The following DOCK2 variants were observed in gnomAD, a reference collection of about 807,000 sequenced individuals.
The protein encoded by DOCK2 is dedicator of cytokinesis 2, also known as dedicator of cytokinesis protein 2.
A neutral mutation model predicts 248.9 loss-of-function variants in DOCK2; 87 were observed. That is an observed-to-expected ratio of 0.35 (90% CI 0.29 to 0.42). DOCK2 has a LOEUF of 0.42. DOCK2 is among the 10% of genes least tolerant of loss of function. The pLI is 1.00. For missense variants in DOCK2, 1,747 were observed against 2,300.2 expected (o/e 0.76, Z 4.92); for synonymous variants, 805 against 821.6 (o/e 0.98, Z 0.35).
intron 50 of DOCK2, 152 bp downstream of exon 50, chr5:170,080,435 A>C: frequency 1.7e-6 from 2 of 1,193,928 alleles, no homozygotes; most frequent in African/African-American, 1.5e-5. Flanking sequence ...CCACCCTCTA[A>C]TCTCTCCCCA....
intron 27 of DOCK2, among the ~76,000 whole-genome samples, chr5:169,966,866 T>C (rs1266588058): frequency 6.6e-6 from 1 of 152,246 alleles, no homozygotes; most frequent in Non-Finnish European, 1.5e-5. Context: ...TTTGGTCTAA[T>C]GTTTTTGAGG....
At chr5:169,698,339 A>C (rs1272054483) in intron 10 of DOCK2, 35 bp from the exon 11 acceptor site, 14 of 1,606,102 alleles carry the variant, frequency 8.7e-6, no homozygotes, top group Non-Finnish European at 1.1e-5. Flanking sequence ...AACAGGAAGA[A>C]GTTAAACCAT....
At chr5:169,946,747 C>T (rs1454166785) in intron 27 of DOCK2, among the ~76,000 whole-genome samples, 2 of 152,184 alleles carry the variant, frequency 1.3e-5, no homozygotes, top group Non-Finnish European at 2.9e-5. Context: ...CAGCGATAGG[C>T]AATCTGAAAG....
chr5:170,051,003 A>G (rs1316076081), intron 41 of DOCK2, among the ~76,000 whole-genome samples: 4 of 152,232 alleles, frequency 2.6e-5, no homozygotes, highest in African/African-American at 4.8e-5. Flanking sequence ...GCACTATTCC[A>G]TATTTATTTA....
intron 25 of DOCK2, among the ~76,000 whole-genome samples, chr5:169,777,437 AG>A (rs775996220): frequency 6.6e-6 from 1 of 152,210 alleles, no homozygotes; most frequent in Non-Finnish European, 1.5e-5. Flanking sequence ...GCCACCATCC[AG>A]GCTGGAGAGA....
chr5:170,080,368 G>T (rs1008027666), intron 50 of DOCK2, 85 bp downstream of exon 50: 8 of 1,575,812 alleles, frequency 5.1e-6, no homozygotes, highest in African/African-American at 2.7e-5. Flanking sequence ...TGGGAACTGT[G>T]TCTACACAAC....
chr5:169,726,336 C>T (rs1350007250), intron 22 of DOCK2, among the ~76,000 whole-genome samples: 10 of 152,202 alleles, frequency 6.6e-5, no homozygotes, highest in African/African-American at 2.2e-4. Context: ...ATACTTTGCC[C>T]ACTTTTTGAT....
chr5:169,961,111 C>A (rs1777069931), intron 27 of DOCK2, among the ~76,000 whole-genome samples: 1 of 152,198 alleles, frequency 6.6e-6, no homozygotes, highest in African/African-American at 2.4e-5. Flanking sequence ...CAACCTGTTG[C>A]CCATTTGCAA....
At chr5:169,826,020 A>G (rs2113265122) in intron 26 of DOCK2, among the ~76,000 whole-genome samples, 1 of 152,002 alleles carries the variant, frequency 6.6e-6, no homozygotes, top group East Asian at 1.9e-4. Context: ...TTTTCATCAA[A>G]TTCTGAAGTG....
chr5:169,790,684 C>A (rs1168479776), intron 25 of DOCK2, among the ~76,000 whole-genome samples: 1 of 152,236 alleles, frequency 6.6e-6, no homozygotes, highest in African/African-American at 2.4e-5. Context: ...TGAAAAACTT[C>A]TGCATAGCAT....
intron 8 of DOCK2, among the ~76,000 whole-genome samples, chr5:169,685,440 T>C (rs1156735282): frequency 6.6e-6 from 1 of 152,174 alleles, no homozygotes; most frequent in Non-Finnish European, 1.5e-5. Context: ...GCCTGTCTCC[T>C]CCATTGGGGT....
intron 25 of DOCK2, among the ~76,000 whole-genome samples, chr5:169,794,935 A>C (rs1167927031): frequency 6.6e-6 from 1 of 152,212 alleles, no homozygotes; most frequent in East Asian, 1.9e-4. Context: ...ACAAACACAC[A>C]AAAAAGTTCT....
intron 27 of DOCK2, among the ~76,000 whole-genome samples, chr5:169,973,196 C>A (rs1391623628): frequency 4.6e-5 from 7 of 152,160 alleles, no homozygotes; most frequent in African/African-American, 1.7e-4. Context: ...CTGCCTGCCC[C>A]CTCCACTCCC....
chr5:169,914,878 A>C (rs1250600005), intron 27 of DOCK2, among the ~76,000 whole-genome samples: 1 of 152,258 alleles, frequency 6.6e-6, no homozygotes, highest in Non-Finnish European at 1.5e-5. Flanking sequence ...GTCCCTTCAC[A>C]GACTGACATA....
intron 27 of DOCK2, among the ~76,000 whole-genome samples, chr5:169,865,331 G>A (rs115580745): frequency 2.1e-3 from 317 of 152,300 alleles, no homozygotes; most frequent in South Asian, 3.3e-3. Flanking sequence ...GGAGGTGGGC[G>A]TTGAACAGAA....
intron 27 of DOCK2, among the ~76,000 whole-genome samples, chr5:169,932,084 A>T (rs1775781420): frequency 6.6e-6 from 1 of 152,226 alleles, no homozygotes; most frequent in African/African-American, 2.4e-5. Context: ...AACAAAGAAG[A>T]TACAACATCC....
chr5:169,709,605 C>T (rs1405899922), intron 15 of DOCK2, among the ~76,000 whole-genome samples: 1 of 152,108 alleles, frequency 6.6e-6, no homozygotes, highest in Non-Finnish European at 1.5e-5. Flanking sequence ...CCTATAGTTC[C>T]AGCTACTCAG....
chr5:170,010,858 C>T (rs564577970), intron 32 of DOCK2, among the ~76,000 whole-genome samples: 1 of 152,336 alleles, frequency 6.6e-6, no homozygotes, highest in African/African-American at 2.4e-5. Flanking sequence ...GTTTCAAGTC[C>T]TTCCACATGG....
chr5:170,058,010 C>G (rs911930265), intron 44 of DOCK2, among the ~76,000 whole-genome samples: 5 of 152,182 alleles, frequency 3.3e-5, no homozygotes, highest in African/African-American at 1.2e-4. Context: ...CCTCTCATCA[C>G]AGCACCCCCT....
Sources: gnomAD v4.1 joint callset for allele counts (sites outside exome capture counted in the v4.1 genomes callset) on GRCh38, gnomAD v4.1.1 for gene constraint, MANE v1.5 for transcripts, NCBI Gene and HGNC (gene_info 2026-07-23, HGNC 2026-07-21) for gene names.